Variants in ABCC2 observed in about 807,000 individuals in gnomAD.
The protein encoded by ABCC2 is ATP binding cassette subfamily C member 2.
ABCC2 carries 157 observed loss-of-function variants against 173.4 expected under a neutral mutation model. That is an observed-to-expected ratio of 0.91 (90% CI 0.80 to 1.03). The LOEUF (loss-of-function observed/expected upper bound fraction) is 1.03, where lower values mean the gene tolerates loss of function less well. ABCC2 is among the 50% of genes least tolerant of loss of function. ABCC2 has a pLI of 0.00. For synonymous variants in ABCC2, 657 were observed against 693.5 expected (o/e 0.95, Z 0.83); for missense variants, 1,822 against 1,852.3 (o/e 0.98, Z 0.30).
rs1190592190 is a variant in ABCC2 at position 99,792,283 on chromosome 10, T to C, written c.257T>C (p.Val86Ala). Residue 86 changes from valine to alanine, a missense_variant, in exon 3 of 32, where the codon GTA becomes GCA. Transcript: ENST00000647814. ...CTAGCAGCCATAGAGCTGGCCCTTGTACTCACAGAAGACTCTGGACAAGCC... is the reference window on the plus strand; with the variant it reads ...CTAGCAGCCATAGAGCTGGCCCTTGCACTCACAGAAGACTCTGGACAAGCC... ...LILAAIELALVLTEDSGQATV... is the reference protein window; with the variant it reads ...LILAAIELALALTEDSGQATV... The C allele has an allele frequency of 6.2e-7, 1 of 1,614,136 alleles. No individual in the cohort carries two copies. Among genetic ancestry groups the C allele is most frequent in the South Asian group, 1.1e-5 (1 of 91,078 alleles).
intron 25 of ABCC2, among the ~76,000 whole-genome samples, chr10:99,839,236 G>T (rs1456638091): frequency 9.5e-6 from 1 of 105,002 alleles, no homozygotes; most frequent in East Asian, 2.9e-4. Flanking sequence ...CGGGCGGGGG[G>T]CCGACCCCCC....
intron 3 of ABCC2, among the ~76,000 whole-genome samples, chr10:99,793,237 A>C (rs2037838461): frequency 6.6e-6 from 1 of 152,180 alleles, no homozygotes; most frequent in Non-Finnish European, 1.5e-5. Context: ...TCTGAATTTA[A>C]TTTTCATGGG....
chr10:99,811,014 A>G (rs1232088040), intron 14 of ABCC2, among the ~76,000 whole-genome samples: 1 of 151,710 alleles, frequency 6.6e-6, no homozygotes, highest in Non-Finnish European at 1.5e-5. Flanking sequence ...ACAAGAGTGA[A>G]ACTCCATCTC....
chr10:99,818,728 A>G (rs1431671221), intron 17 of ABCC2, 62 bp from the exon 18 acceptor site: 27 of 1,594,478 alleles, frequency 1.7e-5, no homozygotes, highest in Non-Finnish European at 2.1e-5. Context: ...ACCCCTCCCT[A>G]TTAGATTCTG....
At position 99,807,330 on chromosome 10, in the gene ABCC2, C is replaced by A. The variant is rs984509144; in HGVS notation, c.1531-54C>A. The A allele has an allele frequency of 2.2e-5, 36 of 1,609,010 alleles. 1 individual carries two copies. In the Admixed American group the frequency reaches 4.3e-4, roughly 19 times the overall value. On this transcript the variant is annotated intron_variant, in intron 11 of 31. Transcript: ENST00000647814. ...TAAAACATGGGTGGATCAGATACAC[C>A]TGGTGCCCTTTCAGGGGCAATCATG... is the stretch of plus-strand genomic sequence containing the variant.
rs147471996 is a variant in ABCC2 at position 99,784,725 on chromosome 10, G to T, written c.151G>T (p.Val51Leu). The T allele has an allele frequency of 6.2e-7, 1 of 1,614,170 alleles. No individual in the cohort carries two copies. Residue 51 changes from valine (V) to leucine (L), a missense_variant, in exon 2 of 32, where the codon GTG becomes TTG. Val to Leu is a conservative substitution (Grantham distance 32). Transcript: ENST00000647814. ...CCTGGCCCCCTGGCAGCTTCTCCAC[G>T]TGTATAAATCCAGGACCAAGAGATC... ...WLLAPWQLLHVYKSRTKRSST... is the reference protein window; with the variant it reads ...WLLAPWQLLHLYKSRTKRSST...
rs1357131909 is a variant in ABCC2 at position 99,808,083 on chromosome 10, G to A, written c.1669G>A (p.Val557Ile). Residue 557 changes from valine (V) to isoleucine (I), a missense_variant and splice_region_variant, in exon 13 of 32, where the codon GTA becomes ATA. Val to Ile is a conservative substitution (Grantham distance 29). Transcript: ENST00000647814. ...IFVFQLTPVL[V>I]SVVTFSVYVL... Reference sequence around the variant, plus strand: ...TTGCTCATGACCTTGCCCTTTCCAGGTATCTGTGGTCACATTTTCTGTTTA... The same window carrying A: ...TTGCTCATGACCTTGCCCTTTCCAGATATCTGTGGTCACATTTTCTGTTTA... 2 of 1,613,968 alleles carry A rather than the reference G, an allele frequency of 1.2e-6. No homozygotes were observed.
chr10:99,808,271 A>G (rs201491018), intron 13 of ABCC2, 42 bp downstream of exon 13: 3 of 1,610,754 alleles, frequency 1.9e-6, no homozygotes, highest in African/African-American at 1.3e-5. Context: ...TCTCTGGTTA[A>G]AAGCCTTGGA....
At chr10:99,835,478 C>A (rs1339401395) in intron 24 of ABCC2, among the ~76,000 whole-genome samples, 1 of 152,040 alleles carries the variant, frequency 6.6e-6, no homozygotes, top group East Asian at 1.9e-4. Flanking sequence ...CATTCCACTC[C>A]CCCTTGCCCT....
At chr10:99,800,097 G>A (rs897002913) in intron 8 of ABCC2, among the ~76,000 whole-genome samples, 1 of 152,190 alleles carries the variant, frequency 6.6e-6, no homozygotes, top group Admixed American at 6.5e-5. Flanking sequence ...CTATTTAGGA[G>A]GCTGAGGTGG....
At chr10:99,845,553 A>T (rs1047709389) in intron 28 of ABCC2, 71 bp from the exon 29 acceptor site, 2 of 1,583,924 alleles carry the variant, frequency 1.3e-6, no homozygotes, top group African/African-American at 1.3e-5. Context: ...GTGACTGTGA[A>T]TGCCCAGGCT....
chr10:99,815,503 C>A (rs2902299), intron 16 of ABCC2, among the ~76,000 whole-genome samples: 93,346 of 150,932 alleles, frequency 0.62, 29,184 homozygotes, highest in East Asian at 0.77. Context: ...GCTAATTATG[C>A]TTTTTTTTTT....
chr10:99,850,913 A>T, intron 31 of ABCC2, 117 bp downstream of exon 31: 1 of 1,257,308 alleles, frequency 8.0e-7, no homozygotes, highest in Non-Finnish European at 1.2e-6. Context: ...TTACTGATGA[A>T]GAAACTGAGA....
chr10:99,837,007 C>T (rs1447109891), intron 25 of ABCC2, among the ~76,000 whole-genome samples: 1 of 152,222 alleles, frequency 6.6e-6, no homozygotes, highest in Non-Finnish European at 1.5e-5. Flanking sequence ...TTCTTAGAGA[C>T]TTTCTAAGAA....
chr10:99,818,623 A>G (rs1427369363), intron 17 of ABCC2, among the ~76,000 whole-genome samples, 167 bp from the exon 18 acceptor site: 3 of 152,260 alleles, frequency 2.0e-5, no homozygotes, highest in East Asian at 1.9e-4. Context: ...TATTAGGACT[A>G]AAGTTATTTA....
chr10:99,843,996 C>A, intron 27 of ABCC2, 96 bp downstream of exon 27: 1 of 1,074,584 alleles, frequency 9.3e-7, no homozygotes, highest in Non-Finnish European at 1.4e-6. Flanking sequence ...TTTACATGGG[C>A]CCATAATGGG....
chr10:99,841,596 T>A (rs1348994487), intron 25 of ABCC2, among the ~76,000 whole-genome samples: 3 of 152,062 alleles, frequency 2.0e-5, no homozygotes, highest in African/African-American at 7.2e-5. Context: ...TTGAATCCCA[T>A]CCTAGGCCCC....
chr10:99,799,966 T>C (rs1057393346), intron 8 of ABCC2, among the ~76,000 whole-genome samples: 1 of 152,104 alleles, frequency 6.6e-6, no homozygotes, highest in African/African-American at 2.4e-5. Flanking sequence ...GTTTGGGAGA[T>C]TGAGGCAGGA....
Position 99,797,085 on chromosome 10 carries a change from C to T in ABCC2, c.633-12C>T. On this transcript the variant is annotated splice_polypyrimidine_tract_variant and intron_variant, in intron 6 of 31. Coordinates refer to ENST00000647814, the MANE Select transcript of ABCC2 (RefSeq NM_000392.5). ...CCTGGGGGTCTCAGCCTGTGGTTCG[C>T]TCTTGTTCCAGCATCATTCTGAAAG... The T allele has an allele frequency of 6.2e-7, 1 of 1,613,524 alleles. No homozygotes were observed.
Sources: gnomAD v4.1 joint callset for allele counts (sites outside exome capture counted in the v4.1 genomes callset) on GRCh38, gnomAD v4.1.1 for gene constraint, MANE v1.5 for transcripts, NCBI Gene and HGNC (gene_info 2026-07-23, HGNC 2026-07-21) for gene names.